SNX29: variants seen among roughly 807,000 people sequenced by gnomAD.
SNX29 encodes the protein sorting nexin-29.
A neutral mutation model predicts 102.1 loss-of-function variants in SNX29; 78 were observed. That is an observed-to-expected ratio of 0.76 (90% CI 0.64 to 0.92). The LOEUF (loss-of-function observed/expected upper bound fraction) is 0.92, where lower values mean the gene tolerates loss of function less well. SNX29 is among the 40% of genes least tolerant of loss of function. The probability of loss-of-function intolerance (pLI) is 0.00; values close to 1 mark genes in which losing one functional copy is unlikely to be tolerated. For missense variants in SNX29, 1,280 were observed against 1,061.7 expected (o/e 1.21, Z -2.86); for synonymous variants, 580 against 414.5 (o/e 1.40, Z -4.85).
intron 13 of SNX29, among the ~76,000 whole-genome samples, chr16:12,155,234 T>A (rs2055491636): frequency 6.6e-6 from 1 of 152,182 alleles, no homozygotes. Flanking sequence ...TGTATTTGGT[T>A]AGAAGGTTTG....
chr16:12,066,840 G>C (rs2051060798), intron 9 of SNX29, among the ~76,000 whole-genome samples: 1 of 151,922 alleles, frequency 6.6e-6, no homozygotes, highest in Admixed American at 6.6e-5. Flanking sequence ...GTTATGGGGT[G>C]AGTTGATGCC....
chr16:12,118,894 G>A (rs1490252536), intron 11 of SNX29, among the ~76,000 whole-genome samples: 1 of 152,120 alleles, frequency 6.6e-6, no homozygotes, highest in African/African-American at 2.4e-5. Flanking sequence ...TCCCATCTCA[G>A]GCCCCTTCCA....
intron 19 of SNX29, among the ~76,000 whole-genome samples, chr16:12,518,509 C>G (rs988076107): frequency 2.0e-5 from 3 of 152,320 alleles, no homozygotes; most frequent in South Asian, 2.1e-4. Context: ...CAGGAGCCAG[C>G]TAAAGCACCA....
intron 18 of SNX29, among the ~76,000 whole-genome samples, chr16:12,421,186 A>G (rs1208269690): frequency 1.3e-5 from 2 of 152,216 alleles, no homozygotes; most frequent in Non-Finnish European, 2.9e-5. Flanking sequence ...AGGTGTTGAA[A>G]ACACAGACTG....
chr16:12,019,798 G>A (rs1056389102), intron 3 of SNX29, among the ~76,000 whole-genome samples: 1 of 151,506 alleles, frequency 6.6e-6, no homozygotes, highest in Non-Finnish European at 1.5e-5. Flanking sequence ...CACCACACCC[G>A]ACTTTTTTTT....
In SNX29 at chr16:12,356,227, A is replaced by C. The variant is rs779967591; in HGVS notation, c.1847A>C (p.Lys616Thr). ...CGCCTGCACAGGGCCCTGGTAGCCA[A>C]GGAAGCCCTCGTGTCCCAGATGAGG... ...NERLHRALVA[K>T]EALVSQMRQE... is the part of the protein sequence containing the mutation. The change falls in exon 16 of 21, where the codon AAG (lysine) becomes ACG (threonine). Residue 616 changes from lysine to threonine, a missense_variant. Transcript: ENST00000566228. 1 of 1,613,336 alleles carries C rather than the reference A, an allele frequency of 6.2e-7. No homozygotes were observed. The highest frequency in any genetic ancestry group is 1.6e-4 in the Middle Eastern group (1 of 6,062).
intron 14 of SNX29, among the ~76,000 whole-genome samples, chr16:12,235,348 G>A (rs923685931): frequency 6.6e-6 from 1 of 152,152 alleles, no homozygotes; most frequent in Non-Finnish European, 1.5e-5. Context: ...TCAGCTTGCT[G>A]TGTATGAGGC....
chr16:12,466,233 T>C (rs1223549086), intron 18 of SNX29, among the ~76,000 whole-genome samples: 1 of 152,172 alleles, frequency 6.6e-6, no homozygotes, highest in Non-Finnish European at 1.5e-5. Context: ...TATCATGTCA[T>C]ATAGAAAACC....
intron 11 of SNX29, among the ~76,000 whole-genome samples, chr16:12,086,472 GCAT>G (rs2151379901): frequency 6.6e-6 from 1 of 152,114 alleles, no homozygotes; most frequent in South Asian, 2.1e-4. Context: ...GTGCAGTGGT[GCAT>G]TCCTGGCTTA....
intron 18 of SNX29, among the ~76,000 whole-genome samples, chr16:12,476,982 A>G (rs2087684286): frequency 6.6e-6 from 1 of 152,108 alleles, no homozygotes; most frequent in Non-Finnish European, 1.5e-5. Flanking sequence ...TGTAATTTTA[A>G]AAAGTGGATT....
At chr16:12,442,048 G>A (rs2085831990) in intron 18 of SNX29, among the ~76,000 whole-genome samples, 2 of 152,162 alleles carry the variant, frequency 1.3e-5, no homozygotes, top group South Asian at 4.1e-4. Flanking sequence ...CCAAAGTGCT[G>A]GGATTACAGG....
chr16:12,140,169 C>G (rs977132606), intron 13 of SNX29, among the ~76,000 whole-genome samples: 2 of 152,110 alleles, frequency 1.3e-5, no homozygotes, highest in African/African-American at 4.8e-5. Flanking sequence ...TCACGCATAT[C>G]ATGCAGTCCC....
chr16:12,091,766 G>C (rs1490537636), intron 11 of SNX29, among the ~76,000 whole-genome samples: 1 of 98,830 alleles, frequency 1.0e-5, no homozygotes, highest in East Asian at 3.4e-4. Flanking sequence ...AACAGAGCAA[G>C]ATCCTTCTCA....
chr16:12,023,709 A>G (rs76350683), intron 3 of SNX29, among the ~76,000 whole-genome samples: 1,985 of 152,242 alleles, frequency 0.013, 31 homozygotes, highest in African/African-American at 0.045. Flanking sequence ...AACTTCCCAT[A>G]TAAGATGGGA....
rs146844725 is a variant in SNX29, at chr16:12,130,836, T to C, written c.1595+1078T>C. Among the ~76,000 whole-genome samples the C allele has an allele frequency of 5.2e-3, 799 of 152,346 alleles. 6 individuals are homozygous for C. The highest frequency in any genetic ancestry group is 0.017 in the Middle Eastern group (5 of 294). On this transcript the variant is annotated intron_variant, in intron 13 of 20. Coordinates refer to ENST00000566228, the MANE Select transcript of SNX29 (RefSeq NM_032167.5). ...CGTTGGTCTGCGTGGGGCTGCCCTCTGCTTTTTAAGAGCTCCTGACATTTC... is the reference window on the plus strand; with the variant it reads ...CGTTGGTCTGCGTGGGGCTGCCCTCCGCTTTTTAAGAGCTCCTGACATTTC...
At chr16:12,561,611 C>T (rs1371526145) in intron 20 of SNX29, among the ~76,000 whole-genome samples, 5 of 152,066 alleles carry the variant, frequency 3.3e-5, no homozygotes, top group African/African-American at 2.4e-5. Flanking sequence ...GGACACAACG[C>T]AGTGTACCCC....
intron 8 of SNX29, chr16:12,060,858 C>A (rs1183735406): frequency 2.2e-6 from 1 of 456,170 alleles, no homozygotes; most frequent in Non-Finnish European, 4.4e-6. Flanking sequence ...GACAGTATAA[C>A]AGATCATATG....
intron 19 of SNX29, among the ~76,000 whole-genome samples, chr16:12,481,513 G>GACACACAC (rs59650769): frequency 2.2e-4 from 28 of 125,664 alleles, no homozygotes; most frequent in East Asian, 8.8e-4. Context: ...TATACATATA[G>GACACACAC]ACACACACAC....
chr16:12,170,262 A>G (rs1157079688), intron 13 of SNX29, among the ~76,000 whole-genome samples: 3 of 152,030 alleles, frequency 2.0e-5, no homozygotes, highest in African/African-American at 7.2e-5. Flanking sequence ...TGAGAGTGGC[A>G]GCGCATGTGA....
Sources: allele counts gnomAD v4.1 joint callset (sites outside exome capture counted in the v4.1 genomes callset), GRCh38; gene constraint gnomAD v4.1.1; transcripts MANE v1.5; gene names NCBI Gene and HGNC (gene_info 2026-07-23, HGNC 2026-07-21).